PYGM: variants seen among roughly 807,000 people sequenced by gnomAD.
The protein encoded by PYGM is glycogen phosphorylase, muscle form.
A neutral mutation model predicts 99.3 loss-of-function variants in PYGM; 81 were observed. That is an observed-to-expected ratio of 0.82 (90% CI 0.68 to 0.98). The LOEUF (loss-of-function observed/expected upper bound fraction) is 0.98. PYGM is among the 50% of genes least tolerant of loss of function. The pLI, the probability that PYGM is intolerant of heterozygous loss-of-function variation, is 0.00. For missense variants in PYGM, 1,030 were observed against 1,158.1 expected, an observed-to-expected ratio of 0.89 and a Z score of 1.61; for synonymous variants, 436 against 451.5, an observed-to-expected ratio of 0.97 and a Z score of 0.44.
At chr11:64,747,469 TG>T in intron 17 of PYGM, 111 bp from the exon 18 acceptor site, 1 of 1,471,134 alleles carries the variant, frequency 6.8e-7, no homozygotes, top group Non-Finnish European at 9.3e-7. Context: ...TCCAGCCTGC[TG>T]CTCCCCAGGG....
In PYGM at chr11:64,746,405, G is replaced by A. The variant is rs1487980125; in HGVS notation, c.*254C>T. 1.7e-6 allele frequency: 1 copy of A among 588,400 alleles called. No individual in the cohort carries two copies. Among genetic ancestry groups the A allele is most frequent in the Admixed American group, 3.0e-5 (1 of 33,456 alleles). 36.4% of individuals were successfully genotyped at this position (588,400 alleles called of 1,614,324 possible). A position where few individuals can be genotyped will look rare whatever the true frequency, so the allele number is the denominator to read the frequency against. On this transcript the variant is annotated 3_prime_UTR_variant, in exon 20 of 20. Transcript: ENST00000164139. ...AAAGAGGAGTAAGGAGGCTCCCAAG[G>A]AGAATGAATTTATTAGGGAGTGGGT... is the stretch of plus-strand genomic sequence containing the variant.
rs193179721 is a variant in PYGM at position 64,759,945 on chromosome 11, C to A, written c.-47G>T. The A allele has an allele frequency of 1.2e-6, 2 of 1,606,326 alleles. No homozygotes were observed. Among genetic ancestry groups the A allele is most frequent in the East Asian group, 2.2e-5 (1 of 44,746 alleles). ...ACTGGACTGATGGTAGAGGGGACGG[C>A]GGCCTCAGCACTGCCTCCAGCCAAG... On this transcript the variant is annotated 5_prime_UTR_variant, in exon 1 of 20. Coordinates refer to ENST00000164139, the MANE Select transcript of PYGM (RefSeq NM_005609.4).
chr11:64,753,930 C>T lies in PYGM; in HGVS notation c.1188G>A (p.Leu396=), dbSNP rs1275199680. The T allele has an allele frequency of 2.5e-6, 4 of 1,596,908 alleles. No individual in the cohort carries two copies. The highest frequency in any genetic ancestry group is 2.3e-5 in the East Asian group (1 of 44,166). Residue 396 remains leucine (L), a synonymous_variant, in exon 10 of 20, where the codon CTG becomes CTA. Transcript: ENST00000164139. ...ERWPVHLLET[L]LPRHLQIIYE... is the part of the protein sequence containing the mutation. ...AGATGATCTGGAGGTGCCGCGGCAG[C>T]AGCGTCTCCAAGAGGTGCACCGGCC...
chr11:64,751,694 CCCT>C, intron 14 of PYGM, 39 bp from the exon 15 acceptor site: 1 of 1,611,060 alleles, frequency 6.2e-7, no homozygotes. Flanking sequence ...GCCTACCTTT[CCCT>C]CTGGGTAGTA....
In PYGM at chr11:64,746,585, C is replaced by G; in HGVS notation, c.*74G>C. ...AGATCTAACTCCAGTACCCCACCCT[C>G]TGCATGAGGTGCTGGGGCTGGCCCA... On this transcript the variant is annotated 3_prime_UTR_variant, in exon 20 of 20. Transcript: ENST00000164139. The G allele has an allele frequency of 6.9e-6, 11 of 1,595,384 alleles. No homozygotes were observed. Among genetic ancestry groups the G allele is most frequent in the Non-Finnish European group, 9.4e-6 (11 of 1,166,978 alleles).
chr11:64,757,863 C>T lies in PYGM; in HGVS notation c.576G>A (p.Lys192=), dbSNP rs149597150. 1 of 1,614,078 alleles carries T rather than the reference C, an allele frequency of 6.2e-7. No homozygotes were observed. Among genetic ancestry groups the T allele is most frequent in the Non-Finnish European group, 8.5e-7 (1 of 1,180,052 alleles). The change falls in exon 5 of 20, where the codon AAG becomes AAA. Residue 192 remains lysine, a synonymous_variant. Coordinates refer to ENST00000164139, the MANE Select transcript of PYGM (RefSeq NM_005609.4). ...CAGGTAGCGTGAACTCGGGCCGGGC[C>T]TTCTCCCAGGGGTTGCCGTAGCGAA... ...DWLRYGNPWE[K]ARPEFTLPVH...
Position 64,757,871 on chromosome 11 carries a change from A to G in PYGM, c.568T>C (p.Trp190Arg), listed in dbSNP as rs1247889064. Reference sequence around the variant, plus strand: ...GTGAACTCGGGCCGGGCCTTCTCCCAGGGGTTGCCGTAGCGAAGCCAGTCA... The same window carrying G: ...GTGAACTCGGGCCGGGCCTTCTCCCGGGGGTTGCCGTAGCGAAGCCAGTCA... ...ADDWLRYGNP[W>R]EKARPEFTLP... The change falls in exon 5 of 20, where the codon TGG becomes CGG. Residue 190 changes from tryptophan (W) to arginine (R), a missense_variant. Coordinates refer to ENST00000164139, the MANE Select transcript of PYGM (RefSeq NM_005609.4). The G allele has an allele frequency of 6.2e-7, 1 of 1,614,128 alleles. No homozygotes were observed.
rs944667423 is a variant in PYGM, at chr11:64,755,171, C to T, written c.855+102G>A. 3.0e-6 allele frequency: 4 copies of T among 1,332,010 alleles called. No individual in the cohort carries two copies. In the African/African-American group the frequency reaches 5.8e-5, roughly 19 times the overall value. The allele number at this position is 1,332,010 out of a possible 1,614,324, so 82.5% of individuals were successfully genotyped here. A position where few individuals can be genotyped will look rare whatever the true frequency, so the allele number is the denominator to read the frequency against. ...GGATGCACAAGGCCAGCAATATGCC[C>T]TGGGTGTGACTAGGGCACCAGCAAG... On this transcript the variant is annotated intron_variant, in intron 7 of 19. Coordinates refer to ENST00000164139, the MANE Select transcript of PYGM (RefSeq NM_005609.4). This position sits in a 1 kb window ranked among gnomAD's most constrained non-coding sequence, Gnocchi z 4.1.
rs1263375821 is a variant in PYGM, at chr11:64,747,223, C to T, written c.2312+1G>A. On this transcript the variant is annotated splice_donor_variant, in intron 18 of 19. Transcript: ENST00000164139. LOFTEE classifies it high-confidence loss of function. The stretch of plus-strand genomic sequence containing the variant: ...AGTGATTCCCGGGCCAACCAGCTCA[C>T]CGGTCATGGTGCATGAGCATATTGA... 3 of 1,614,118 alleles carry T rather than the reference C, an allele frequency of 1.9e-6. No homozygotes were observed. Among genetic ancestry groups the T allele is most frequent in the Non-Finnish European group, 2.5e-6 (3 of 1,179,990 alleles).
At chr11:64,747,010 G>A (rs1209425013) in intron 18 of PYGM, 23 bp from the exon 19 acceptor site, 1 of 1,610,870 alleles carries the variant, frequency 6.2e-7, no homozygotes, top group Non-Finnish European at 8.5e-7. Context: ...GGATAGGCAT[G>A]TGCTATTCCT....
Position 64,753,965 on chromosome 11 carries a change from G to A in PYGM, c.1153C>T (p.Leu385=), listed in dbSNP as rs1428154414. 6.2e-7 allele frequency: 1 copy of A among 1,605,656 alleles called. No homozygotes were observed. The highest frequency in any genetic ancestry group is 8.5e-7 in the Non-Finnish European group (1 of 1,176,084). ...AAGAGGTGCACCGGCCAGCGCTCCA[G>A]GGCCTCGGGCAGCACCGTGTGGTTG... ...YTNHTVLPEA[L]ERWPVHLLET... is the part of the protein sequence containing the mutation. The change falls in exon 10 of 20, where the codon CTG becomes TTG. Residue 385 remains leucine, a synonymous_variant. Transcript: ENST00000164139.
rs1221234336 is a variant in PYGM at position 64,751,593 on chromosome 11, T to C, written c.1827+4A>G. 1 of 1,613,930 alleles carries C rather than the reference T, an allele frequency of 6.2e-7. No homozygotes were observed. The highest frequency in any genetic ancestry group is 1.3e-5 in the African/African-American group (1 of 74,920). ...GAGCCCAGGGCTGGAGCCTGGCTTC[T>C]CACCTTCCCTCCAATCATCACAGTC... On this transcript the variant is annotated splice_donor_region_variant and intron_variant, in intron 15 of 19. Transcript: ENST00000164139.
At chr11:64,758,840 C>T (rs1390192499) in intron 1 of PYGM, 136 bp from the exon 2 acceptor site, 1 of 791,238 alleles carries the variant, frequency 1.3e-6, no homozygotes, top group Non-Finnish European at 2.2e-6. Flanking sequence ...TTGTTTCTCC[C>T]TGTCTCAGGC....
At chr11:64,751,781 A>G in intron 14 of PYGM, 126 bp from the exon 15 acceptor site, 1 of 1,516,344 alleles carries the variant, frequency 6.6e-7, no homozygotes, top group South Asian at 1.1e-5. Context: ...TCTTAGCCTC[A>G]GTTTGCCCAT....
At chr11:64,760,037 G>T, upstream of PYGM, 1 of 1,305,142 alleles carries the variant, frequency 7.7e-7, no homozygotes, top group Non-Finnish European at 1.0e-6. Flanking sequence ...CGCCTCCCCT[G>T]CAATGGGAGG....
In PYGM at chr11:64,754,901, G is replaced by T; in HGVS notation, c.856-65C>A. ...GGCATGGCCTAAAGCTGCGGTGGGT[G>T]TGGCCAGGAGGGACTCCCACCCATA... is the stretch of plus-strand genomic sequence containing the variant. On this transcript the variant is annotated intron_variant, in intron 7 of 19. Coordinates refer to ENST00000164139, the MANE Select transcript of PYGM (RefSeq NM_005609.4). This position sits in a 1 kb window ranked among gnomAD's most constrained non-coding sequence, Gnocchi z 5.5. The T allele has an allele frequency of 6.3e-7, 1 of 1,594,908 alleles. No homozygotes were observed. Among genetic ancestry groups the T allele is most frequent in the South Asian group, 1.1e-5 (1 of 89,830 alleles).
In PYGM at chr11:64,758,478, T is replaced by C. The variant is rs1383044080; in HGVS notation, c.383A>G (p.Glu128Gly). The C allele has an allele frequency of 6.2e-7, 1 of 1,613,886 alleles. No homozygotes were observed. Among genetic ancestry groups the C allele is most frequent in the Non-Finnish European group, 8.5e-7 (1 of 1,179,984 alleles). Residue 128 changes from glutamate (E) to glycine (G), a missense_variant, in exon 3 of 20, where the codon GAG becomes GGG. Transcript: ENST00000164139. ...GCCCCCGTTGCCCAGCCCCGCATCCTCCTCAATTTCCTCCAGCTCCTCCAT... is the reference window on the plus strand; with the variant it reads ...GCCCCCGTTGCCCAGCCCCGCATCCCCCTCAATTTCCTCCAGCTCCTCCAT... ...LDMEELEEIE[E>G]DAGLGNGGLG...
At position 64,753,649 on chromosome 11, in the gene PYGM, G is replaced by T. The variant is rs577821154; in HGVS notation, c.1273C>A (p.Arg425=). ...TCCACCAGCGACATGCGCCGCAGCC[G>T]GTCTACGTCCCCTGGGAATGCGGCC... ...VAAAFPGDVD[R]LRRMSLVEEG... is the part of the protein sequence containing the mutation. Residue 425 remains arginine (R), a synonymous_variant, in exon 11 of 20, where the codon CGG becomes AGG. Coordinates refer to ENST00000164139, the MANE Select transcript of PYGM (RefSeq NM_005609.4). 2 of 1,608,622 alleles carry T rather than the reference G, an allele frequency of 1.2e-6. No homozygotes were observed. Among genetic ancestry groups the T allele is most frequent in the Admixed American group, 3.3e-5 (2 of 59,862 alleles).
chr11:64,751,105 T>G (rs894849507), intron 16 of PYGM: 1 of 578,390 alleles, frequency 1.7e-6, no homozygotes, highest in Non-Finnish European at 3.1e-6. Flanking sequence ...TTGGCCAGGC[T>G]GGTCTCGAAC....
Sources: allele counts gnomAD v4.1 joint callset, GRCh38; gene constraint gnomAD v4.1.1; non-coding constraint Gnocchi (gnomAD v3.1); transcripts MANE v1.5; gene names NCBI Gene and HGNC (gene_info 2026-07-23, HGNC 2026-07-21).